ARHGEF4: variants seen among roughly 807,000 people sequenced by gnomAD.
ARHGEF4 encodes APC-stimulated guanine nucleotide exchange factor 1.
Under a neutral mutation model 162.0 loss-of-function variants are expected in ARHGEF4, and 119 were observed. The ratio of observed to expected loss-of-function variants is 0.73; its 90% CI spans 0.63 to 0.86. ARHGEF4 has a LOEUF of 0.86. ARHGEF4 is among the 40% of genes least tolerant of loss of function. The pLI is 0.00. For missense variants in ARHGEF4, 2,488 were observed against 2,456.0 expected, an observed-to-expected ratio of 1.01 and a Z score of -0.28; for synonymous variants, 1,014 against 979.9, an observed-to-expected ratio of 1.03 and a Z score of -0.65.
chr2:130,855,814 G>T (rs1004341283), intron 1 of ARHGEF4, among the ~76,000 whole-genome samples: 1 of 151,994 alleles, frequency 6.6e-6, no homozygotes, highest in African/African-American at 2.4e-5. Flanking sequence ...AAAAACAAAA[G>T]GCAGGGCAAC....
chr2:131,018,680 T>A (rs948232648), intron 4 of ARHGEF4, among the ~76,000 whole-genome samples: 2 of 152,256 alleles, frequency 1.3e-5, no homozygotes, highest in Admixed American at 1.3e-4. Flanking sequence ...ACAGATTCAC[T>A]GCTGTAAAGC....
At chr2:130,851,515 G>A (rs1429879626) in intron 1 of ARHGEF4, among the ~76,000 whole-genome samples, 1 of 152,228 alleles carries the variant, frequency 6.6e-6, no homozygotes, top group Non-Finnish European at 1.5e-5. Context: ...CCTGCCCTTC[G>A]CCCACCGTGC....
intron 1 of ARHGEF4, among the ~76,000 whole-genome samples, chr2:130,887,583 G>A (rs1173396485): frequency 6.6e-6 from 1 of 151,974 alleles, no homozygotes; most frequent in Non-Finnish European, 1.5e-5. Context: ...AGTTACGTAT[G>A]TGTTTGCTTT....
intron 4 of ARHGEF4, among the ~76,000 whole-genome samples, chr2:130,977,854 A>G (rs1331607887): frequency 6.6e-6 from 1 of 152,176 alleles, no homozygotes; most frequent in Non-Finnish European, 1.5e-5. Context: ...TGAGACAACA[A>G]GTATTGCCAA....
At chr2:130,848,991 G>A (rs1681195018) in intron 1 of ARHGEF4, among the ~76,000 whole-genome samples, 1 of 151,994 alleles carries the variant, frequency 6.6e-6, no homozygotes, top group South Asian at 2.1e-4. Flanking sequence ...CTAGTTGGGG[G>A]CACTGCCCAC....
In ARHGEF4 at chr2:130,914,405, T is replaced by C. The variant is rs1437992800; in HGVS notation, c.459T>C (p.Ala153=). ...GGTGGCGAGCCTTTGCCACAGTTGC[T>C]GGAGAACAGGAGGCAGGACACCTCT... ...KNGWRAFATV[A]GEQEAGHLWD... Residue 153 remains alanine (A), a synonymous_variant, in exon 2 of 14, where the codon GCT becomes GCC. Coordinates refer to ENST00000409359, the MANE Select transcript of ARHGEF4 (RefSeq NM_001367493.1). 6.9e-7 allele frequency: 1 copy of C among 1,443,606 alleles called. No homozygotes were observed. The highest frequency in any genetic ancestry group is 2.5e-5 in the East Asian group (1 of 40,220). The allele number at this position is 1,443,606 out of a possible 1,614,324, so 89.4% of individuals were successfully genotyped here.
In ARHGEF4 at chr2:130,916,658, A is replaced by C; in HGVS notation, c.2712A>C (p.Lys904Asn). The C allele has an allele frequency of 1.3e-6, 2 of 1,550,296 alleles. No individual in the cohort carries two copies. The highest frequency in any genetic ancestry group is 1.7e-6 in the Non-Finnish European group (2 of 1,146,918). Residue 904 changes from lysine to asparagine, a missense_variant, in exon 2 of 14, where the codon AAA becomes AAC. Lys to Asn is a moderately conservative substitution (Grantham distance 94, BLOSUM62 0). Around this residue, in one of 6 missense-constraint regions of ARHGEF4, gnomAD observed 1,642 missense variants for 1,481.5 expected, o/e 1.11. Coordinates refer to ENST00000409359, the MANE Select transcript of ARHGEF4 (RefSeq NM_001367493.1). ...AGAGACTCAAAACAACGGAGAAAAA[A>C]CTCAGGGCAAGGTTGGCCTTGGCTC... Reference protein sequence around the residue: ...NAKRLKTTEKKLRARLALAHK... With the variant: ...NAKRLKTTEKNLRARLALAHK...
chr2:131,002,432 T>G (rs1204475531), intron 4 of ARHGEF4, among the ~76,000 whole-genome samples: 1 of 150,132 alleles, frequency 6.7e-6, no homozygotes, highest in African/African-American at 2.5e-5. Context: ...AAAAATTAGC[T>G]GGGCGTAGTG....
chr2:130,848,839 G>T (rs1681185335), intron 1 of ARHGEF4, among the ~76,000 whole-genome samples: 1 of 152,206 alleles, frequency 6.6e-6, no homozygotes, highest in Admixed American at 6.5e-5. Context: ...GCGCAGTGAG[G>T]CTCAGGGGTG....
At chr2:130,991,101 T>C (rs72996384) in intron 4 of ARHGEF4, among the ~76,000 whole-genome samples, 3,081 of 152,322 alleles carry the variant, frequency 0.02, 94 homozygotes, top group African/African-American at 0.07. Context: ...TTTTCCAAAA[T>C]GAAGGAGAGA....
At chr2:130,870,883 G>A (rs1194200087) in intron 1 of ARHGEF4, among the ~76,000 whole-genome samples, 1 of 152,102 alleles carries the variant, frequency 6.6e-6, no homozygotes, top group Non-Finnish European at 1.5e-5. Flanking sequence ...GGGTAGGGTG[G>A]GGCAGGTGTT....
At chr2:130,965,562 G>A (rs1335891467) in intron 4 of ARHGEF4, among the ~76,000 whole-genome samples, 1 of 152,174 alleles carries the variant, frequency 6.6e-6, no homozygotes, top group Non-Finnish European at 1.5e-5. Context: ...GGAACCCCAA[G>A]CTAGATCATA....
intron 1 of ARHGEF4, among the ~76,000 whole-genome samples, chr2:130,907,358 G>A (rs552667495): frequency 1.7e-4 from 26 of 151,748 alleles, no homozygotes; most frequent in Admixed American, 1.4e-3. Flanking sequence ...GGGACTACAG[G>A]CGCCTGCCAC....
At chr2:130,879,134 T>A (rs1377342502) in intron 1 of ARHGEF4, among the ~76,000 whole-genome samples, 1 of 151,634 alleles carries the variant, frequency 6.6e-6, no homozygotes, top group Non-Finnish European at 1.5e-5. Flanking sequence ...AGGGAGGGAG[T>A]GAGAGAAGAA....
intron 1 of ARHGEF4, among the ~76,000 whole-genome samples, chr2:130,887,893 T>A (rs552951515): frequency 6.6e-6 from 1 of 152,202 alleles, no homozygotes; most frequent in East Asian, 1.9e-4. Flanking sequence ...AATGTCACTC[T>A]TGCTCACATT....
chr2:131,002,300 G>A (rs542755346), intron 4 of ARHGEF4, among the ~76,000 whole-genome samples: 2 of 152,302 alleles, frequency 1.3e-5, no homozygotes, highest in East Asian at 1.9e-4. Context: ...GTGAGGGGCC[G>A]GGCGCGGTGG....
chr2:130,938,591 C>CA (rs1683102609), intron 3 of ARHGEF4, among the ~76,000 whole-genome samples: 1 of 152,072 alleles, frequency 6.6e-6, no homozygotes, highest in Non-Finnish European at 1.5e-5. Flanking sequence ...CTTTGAGAGA[C>CA]AGAGTGTATA....
intron 1 of ARHGEF4, among the ~76,000 whole-genome samples, chr2:130,855,705 G>C (rs986876256): frequency 1.3e-5 from 2 of 152,332 alleles, no homozygotes; most frequent in South Asian, 4.1e-4. Context: ...TAAGACCTCA[G>C]AGATGATCTC....
chr2:130,843,547 C>G (rs1680748017), intron 1 of ARHGEF4, among the ~76,000 whole-genome samples: 1 of 152,100 alleles, frequency 6.6e-6, no homozygotes, highest in Non-Finnish European at 1.5e-5. Context: ...ACCAGTGCTT[C>G]CTCGTGCTAT....
Sources: allele counts gnomAD v4.1 joint callset (sites outside exome capture counted in the v4.1 genomes callset), GRCh38; gene constraint gnomAD v4.1.1; regional missense constraint gnomAD v4.1.1; transcripts MANE v1.5; gene names NCBI Gene and HGNC (gene_info 2026-07-23, HGNC 2026-07-21).